APOLD1: variants seen among roughly 807,000 people sequenced by gnomAD.
APOLD1 encodes apolipoprotein L domain containing 1.
APOLD1 carries 22 observed loss-of-function variants against 15.3 expected under a neutral mutation model. That is an observed-to-expected ratio of 1.44 (90% CI 1.03 to 2.05). APOLD1 has a LOEUF of 2.05. Among genes scored for constraint, APOLD1 ranks in the 30% most tolerant of loss-of-function variants. The probability of loss-of-function intolerance (pLI) is 0.00; values close to 1 mark genes in which losing one functional copy is unlikely to be tolerated. For synonymous variants in APOLD1, 190 were observed against 167.4 expected (o/e 1.13, Z -1.04); for missense variants, 394 against 353.5 (o/e 1.11, Z -0.92).
chr12:12,779,797 G>A (rs532721677), intron 1 of APOLD1, among the ~76,000 whole-genome samples: 14 of 152,140 alleles, frequency 9.2e-5, no homozygotes, highest in Admixed American at 3.9e-4. Context: ...CTGCAGGAAC[G>A]TTAAGTAGAA....
chr12:12,735,712 G>A (rs1030519146), intron 1 of APOLD1, among the ~76,000 whole-genome samples: 5 of 152,124 alleles, frequency 3.3e-5, no homozygotes, highest in African/African-American at 1.2e-4. Context: ...TTGGGAGGCC[G>A]AAGAGGATCA....
upstream of APOLD1, among the ~76,000 whole-genome samples, chr12:12,784,594 T>TA: frequency 6.6e-6 from 1 of 152,318 alleles, no homozygotes; most frequent in Middle Eastern, 3.4e-3. Context: ...TCCAGAATGA[T>TA]ACGGCTGTTA....
At chr12:12,729,392 T>C (rs1946619196) in intron 1 of APOLD1, among the ~76,000 whole-genome samples, 1 of 152,122 alleles carries the variant, frequency 6.6e-6, no homozygotes, top group Non-Finnish European at 1.5e-5. Context: ...ACTTTCTGAG[T>C]ACGACAATAA....
rs745785485 is a variant in APOLD1 at position 12,726,156 on chromosome 12, C to CAAAAAA, written c.96+79_96+84dup. 7.2e-3 allele frequency: 811 copies of CAAAAAA among 113,150 alleles called. 4 individuals carry two copies. The highest frequency in any genetic ancestry group is 8.7e-3 in the Non-Finnish European group (546 of 62,506). The allele number at this position is 113,150 out of a possible 1,614,324, so 7.0% of individuals were successfully genotyped here. ...CCGGAAAAGAACACCTCTTCGCAAC[C>CAAAAAA]AAAAAAAAAAAAAAAAAAAAAAAAG... On this transcript the variant is annotated intron_variant, in intron 1 of 1. Transcript: ENST00000326765.
intron 1 of APOLD1, among the ~76,000 whole-genome samples, chr12:12,747,051 C>T (rs1946771863): frequency 6.6e-6 from 1 of 152,166 alleles, no homozygotes; most frequent in Admixed American, 6.5e-5. Context: ...AGATTATAAT[C>T]ATGGAACCAG....
chr12:12,787,926 A>C lies in APOLD1; in HGVS notation c.*274A>C. On this transcript the variant is annotated 3_prime_UTR_variant, in exon 2 of 2. Coordinates refer to ENST00000356591, the MANE Select transcript of APOLD1 (RefSeq NM_030817.3). This position sits in a 1 kb window ranked among gnomAD's most constrained non-coding sequence, Gnocchi z 4.9. ...CCTTTATCAAAAACTTTCTGTCTAA[A>C]CACAGCTGGGCAGGCACTCCTGTTT... The C allele has an allele frequency of 2.4e-6, 1 of 408,602 alleles. No individual in the cohort carries two copies. Among genetic ancestry groups the C allele is most frequent in the Non-Finnish European group, 4.3e-6 (1 of 229,952 alleles). The allele number at this position is 408,602 out of a possible 1,614,324, so 25.3% of individuals were successfully genotyped here. A position where few individuals can be genotyped will look rare whatever the true frequency, so the allele number is the denominator to read the frequency against.
At chr12:12,772,454 T>C (rs1364779440) in intron 1 of APOLD1, among the ~76,000 whole-genome samples, 1 of 152,210 alleles carries the variant, frequency 6.6e-6, no homozygotes, top group Non-Finnish European at 1.5e-5. Flanking sequence ...ACCCAGTGTA[T>C]GCACCTAACA....
At chr12:12,735,671 C>T (rs1946678980) in intron 1 of APOLD1, among the ~76,000 whole-genome samples, 1 of 152,142 alleles carries the variant, frequency 6.6e-6, no homozygotes. Context: ...TGCCTGCAAT[C>T]TCAGTGCTTT....
In APOLD1 at chr12:12,779,999, G is replaced by A. The variant is rs529633408; in HGVS notation, c.97-6910G>A. 7.2e-5 allele frequency among the ~76,000 whole-genome samples: 11 copies of A among 152,104 alleles called. No homozygotes were observed. In the South Asian group the frequency reaches 2.3e-3, roughly 32 times the overall value. On this transcript the variant is annotated intron_variant, in intron 1 of 1. Coordinates refer to the APOLD1 transcript ENST00000326765. Reference sequence around the variant, plus strand: ...TCCATGCAATATAGATATCCTAGAGGTCTTCTGCAGAATAAGTATTCTAAG... The same window carrying A: ...TCCATGCAATATAGATATCCTAGAGATCTTCTGCAGAATAAGTATTCTAAG...
At chr12:12,774,627 A>G in intron 1 of APOLD1, among the ~76,000 whole-genome samples, 1 of 151,824 alleles carries the variant, frequency 6.6e-6, no homozygotes. Flanking sequence ...GAACCTGAAC[A>G]AAAAATGGGC....
chr12:12,783,753 C>T (rs1453230482), upstream of APOLD1, among the ~76,000 whole-genome samples: 3 of 151,436 alleles, frequency 2.0e-5, no homozygotes, highest in Admixed American at 6.6e-5. Flanking sequence ...CCTGCCTCAG[C>T]GTCCTGAATA....
rs554856443 is a variant in APOLD1, at chr12:12,745,981, T to C, written c.96+19885T>C. ...CCCTCCTGTCTCCATTTTTTGTGGCTGAGGTTCACACTACTTAGCAGAGCT... is the reference window on the plus strand; with the variant it reads ...CCCTCCTGTCTCCATTTTTTGTGGCCGAGGTTCACACTACTTAGCAGAGCT... On this transcript the variant is annotated intron_variant, in intron 1 of 1. Transcript: ENST00000326765. 1.3e-3 allele frequency among the ~76,000 whole-genome samples: 197 copies of C among 152,242 alleles called. 1 individual carries two copies. Among genetic ancestry groups the C allele is most frequent in the Admixed American group, 2.4e-3 (37 of 15,294 alleles).
chr12:12,782,419 T>C (rs1947088512), upstream of APOLD1, among the ~76,000 whole-genome samples: 1 of 152,198 alleles, frequency 6.6e-6, no homozygotes, highest in African/African-American at 2.4e-5. Context: ...AAGATTCCTA[T>C]GCTTAAAAAG....
chr12:12,725,932 G>A (rs1366848419), exon 1 of APOLD1: 83 of 1,300,918 alleles, frequency 6.4e-5, no homozygotes, highest in Non-Finnish European at 6.3e-5. Context: ...GCAGGCAGGC[G>A]GGGGTGCGCG....
chr12:12,785,390 C>CT (rs1947115976), upstream of APOLD1, among the ~76,000 whole-genome samples: 1 of 152,194 alleles, frequency 6.6e-6, no homozygotes, highest in Non-Finnish European at 1.5e-5. Flanking sequence ...GGGTATCCCA[C>CT]TGGGAGAATG....
At chr12:12,771,678 C>T (rs970802829) in intron 1 of APOLD1, 1 of 467,078 alleles carries the variant, frequency 2.1e-6, no homozygotes, top group African/African-American at 2.0e-5. Context: ...TCTCCTCTGG[C>T]TCCTCAAAGA....
intron 1 of APOLD1, among the ~76,000 whole-genome samples, chr12:12,747,723 T>C (rs1010576338): frequency 2.0e-5 from 3 of 152,226 alleles, no homozygotes; most frequent in Non-Finnish European, 4.4e-5. Flanking sequence ...TGCTTTTTAT[T>C]GGGCCCTTCT....
At chr12:12,781,561 T>C (rs1394267665), upstream of APOLD1, among the ~76,000 whole-genome samples, 1 of 146,152 alleles carries the variant, frequency 6.8e-6, no homozygotes, top group Non-Finnish European at 1.5e-5. Context: ...GGAGTCTCGC[T>C]CTGTCGCCCA....
intron 1 of APOLD1, among the ~76,000 whole-genome samples, chr12:12,739,791 A>G (rs1326064042): frequency 3.4e-5 from 5 of 147,494 alleles, no homozygotes; most frequent in Non-Finnish European, 5.9e-5. Flanking sequence ...TAAGGAGTAT[A>G]TTTCTCAGAT....
Sources: gnomAD v4.1 joint callset for allele counts (sites outside exome capture counted in the v4.1 genomes callset) on GRCh38, gnomAD v4.1.1 for gene constraint, Gnocchi (gnomAD v3.1) non-coding constraint, MANE v1.5 for transcripts, NCBI Gene and HGNC (gene_info 2026-07-23, HGNC 2026-07-21) for gene names.